CFAP299: variants seen among roughly 807,000 people sequenced by gnomAD.
CFAP299 encodes cilia- and flagella-associated protein 299.
A neutral mutation model predicts 27.0 loss-of-function variants in CFAP299; 21 were observed. The observed-to-expected ratio is 0.78, with a 90% CI of 0.55 to 1.12. The LOEUF is 1.12. Among genes scored for constraint, CFAP299 ranks in the 50% most tolerant of loss-of-function variants. CFAP299 has a pLI of 0.00. For missense variants in CFAP299, 310 were observed against 276.6 expected, an observed-to-expected ratio of 1.12 and a Z score of -0.86; for synonymous variants, 104 against 98.1, an observed-to-expected ratio of 1.06 and a Z score of -0.36.
At chr4:80,671,988 C>G (rs1249409432) in intron 3 of CFAP299, among the ~76,000 whole-genome samples, 1 of 152,100 alleles carries the variant, frequency 6.6e-6, no homozygotes, top group Non-Finnish European at 1.5e-5. Context: ...AATTGAGTAC[C>G]CTTTATTTCT....
chr4:80,795,921 G>A (rs1727833308), intron 3 of CFAP299, among the ~76,000 whole-genome samples: 1 of 152,110 alleles, frequency 6.6e-6, no homozygotes, highest in Admixed American at 6.6e-5. Context: ...CATGTATGGG[G>A]ACCTGCCAGT....
chr4:80,791,529 A>G (rs769492288), intron 3 of CFAP299, among the ~76,000 whole-genome samples: 2 of 152,106 alleles, frequency 1.3e-5, no homozygotes, highest in Non-Finnish European at 2.9e-5. Flanking sequence ...ATTTTAAGAA[A>G]TTAATTATTT....
intron 2 of CFAP299, among the ~76,000 whole-genome samples, chr4:80,450,403 A>G (rs1279655589): frequency 2.6e-5 from 4 of 152,186 alleles, no homozygotes; most frequent in Admixed American, 2.6e-4. Context: ...AACTATGCTC[A>G]CTTAATATCA....
chr4:80,892,875 C>T (rs1445433360), intron 4 of CFAP299, among the ~76,000 whole-genome samples: 1 of 151,846 alleles, frequency 6.6e-6, no homozygotes, highest in East Asian at 1.9e-4. Context: ...AAATTCATGC[C>T]AGGGCTTTTG....
Position 80,963,654 on chromosome 4 carries a change from T to C in CFAP299, c.*42T>C. The C allele has an allele frequency of 1.5e-6, 2 of 1,338,064 alleles. No individual in the cohort carries two copies. Among genetic ancestry groups the C allele is most frequent in the Non-Finnish European group, 1.1e-6 (1 of 940,450 alleles). The allele number at this position is 1,338,064 out of a possible 1,614,324, so 82.9% of individuals were successfully genotyped here. ...TTCCTAATAATTTGCTAAATTTAAA[T>C]AAATTCCGTAGACAGAGCAAATTAG... On this transcript the variant is annotated 3_prime_UTR_variant, in exon 6 of 6. Transcript: ENST00000358105.
intron 4 of CFAP299, among the ~76,000 whole-genome samples, chr4:80,926,710 T>TA (rs759538257): frequency 6.6e-6 from 1 of 151,940 alleles, no homozygotes; most frequent in Non-Finnish European, 1.5e-5. Flanking sequence ...TGTTTCACTA[T>TA]AAAAAATGTC....
chr4:80,583,284 A>T (rs567359486), intron 3 of CFAP299, 101 bp downstream of exon 3: 4 of 568,556 alleles, frequency 7.0e-6, no homozygotes, highest in African/African-American at 5.9e-5. Flanking sequence ...AATTTACAAG[A>T]TATAAAATAT....
intron 3 of CFAP299, among the ~76,000 whole-genome samples, chr4:80,715,818 T>C (rs1019503142): frequency 1.3e-5 from 2 of 152,048 alleles, no homozygotes; most frequent in African/African-American, 4.8e-5. Context: ...ACCACCATTT[T>C]ATTGATGGAA....
intron 3 of CFAP299, among the ~76,000 whole-genome samples, chr4:80,743,780 C>T (rs900997746): frequency 2.6e-5 from 4 of 152,110 alleles, no homozygotes; most frequent in African/African-American, 9.7e-5. Context: ...ACATGTATAC[C>T]TGTGTAACAA....
At chr4:80,703,708 T>G (rs1721651238) in intron 3 of CFAP299, among the ~76,000 whole-genome samples, 1 of 151,694 alleles carries the variant, frequency 6.6e-6, no homozygotes, top group Non-Finnish European at 1.5e-5. Flanking sequence ...TTCCAGCCCT[T>G]TCTCCCATTC....
intron 2 of CFAP299, among the ~76,000 whole-genome samples, chr4:80,476,029 C>T (rs997069575): frequency 1.8e-4 from 27 of 152,330 alleles, no homozygotes; most frequent in Middle Eastern, 3.4e-3. Flanking sequence ...GTGTAAAACA[C>T]GATTCACATG....
chr4:80,449,366 A>G (rs564512845), intron 2 of CFAP299, among the ~76,000 whole-genome samples: 1 of 152,136 alleles, frequency 6.6e-6, no homozygotes, highest in East Asian at 1.9e-4. Context: ...TTAGTTATTT[A>G]TAAATAACAG....
chr4:80,339,457 G>A (rs1722332388), intron 1 of CFAP299, among the ~76,000 whole-genome samples: 1 of 152,162 alleles, frequency 6.6e-6, no homozygotes, highest in South Asian at 2.1e-4. Context: ...CATAATGCTT[G>A]CTTAGGAAGA....
intron 3 of CFAP299, among the ~76,000 whole-genome samples, chr4:80,679,620 G>GT (rs1204403039): frequency 6.6e-6 from 1 of 151,722 alleles, no homozygotes; most frequent in Non-Finnish European, 1.5e-5. Flanking sequence ...CTACTAATAG[G>GT]TGTATAGTGA....
At chr4:80,530,090 C>T (rs1339070263) in intron 2 of CFAP299, among the ~76,000 whole-genome samples, 1 of 152,030 alleles carries the variant, frequency 6.6e-6, no homozygotes, top group Non-Finnish European at 1.5e-5. Context: ...GTTAGCAAAG[C>T]TGGTCACACA....
intron 3 of CFAP299, among the ~76,000 whole-genome samples, chr4:80,836,158 TAATTATAG>T (rs1346032284): frequency 6.6e-6 from 1 of 152,246 alleles, no homozygotes; most frequent in South Asian, 2.1e-4. Flanking sequence ...TATGTATCAT[TAATTATAG>T]AATTTGATTC....
intron 1 of CFAP299, among the ~76,000 whole-genome samples, chr4:80,342,637 C>T (rs1164222682): frequency 6.6e-6 from 1 of 152,148 alleles, no homozygotes; most frequent in African/African-American, 2.4e-5. Context: ...TTCATCACCA[C>T]CAGGCCTGCT....
intron 3 of CFAP299, among the ~76,000 whole-genome samples, chr4:80,849,262 G>A (rs1247748074): frequency 1.3e-5 from 2 of 152,016 alleles, no homozygotes; most frequent in African/African-American, 4.8e-5. Context: ...TCATCAAGAT[G>A]TCACTAGGCG....
intron 4 of CFAP299, 58 bp downstream of exon 4, chr4:80,870,193 T>C (rs1733001456): frequency 5.3e-6 from 8 of 1,512,702 alleles, no homozygotes; most frequent in Non-Finnish European, 7.1e-6. Context: ...TTTTATTTTA[T>C]GGTCTACATT....
Sources: gnomAD v4.1 joint callset for allele counts (sites outside exome capture counted in the v4.1 genomes callset) on GRCh38, gnomAD v4.1.1 for gene constraint, MANE v1.5 for transcripts, NCBI Gene and HGNC (gene_info 2026-07-23, HGNC 2026-07-21) for gene names.